The following B3GAT2 variants were observed in gnomAD, a reference collection of about 807,000 sequenced individuals.
The protein encoded by B3GAT2 is galactosylgalactosylxylosylprotein 3-beta-glucuronosyltransferase 2.
In B3GAT2, 26 loss-of-function variants were observed where a neutral mutation model predicts 27.8. The ratio of observed to expected loss-of-function variants is 0.93; its 90% CI spans 0.68 to 1.30. The LOEUF (loss-of-function observed/expected upper bound fraction) is 1.30. B3GAT2 is among the 50% of genes most tolerant of loss of function. The pLI is 0.00. For missense variants in B3GAT2, 458 were observed against 459.0 expected, an observed-to-expected ratio of 1.00 and a Z score of 0.02; for synonymous variants, 218 against 195.1, an observed-to-expected ratio of 1.12 and a Z score of -0.98.
Position 70,857,270 on chromosome 6 carries a change from G to C in B3GAT2, c.*4393C>G. ...AGCTGTTCATAGATCACTAAATGTTGTTTCACAAGCTTATAGAACATGGAT... is the reference window on the plus strand; with the variant it reads ...AGCTGTTCATAGATCACTAAATGTTCTTTCACAAGCTTATAGAACATGGAT... On this transcript the variant is annotated 3_prime_UTR_variant, in exon 4 of 4. Transcript: ENST00000230053. 1 of 327,262 alleles carries C rather than the reference G, an allele frequency of 3.1e-6. No individual in the cohort carries two copies. Among genetic ancestry groups the C allele is most frequent in the Non-Finnish European group, 5.5e-6 (1 of 180,806 alleles). 20.3% of individuals were successfully genotyped at this position (327,262 alleles called of 1,614,324 possible). A position where few individuals can be genotyped will look rare whatever the true frequency, so the allele number is the denominator to read the frequency against.
chr6:70,874,478 A>G (rs1771982393), intron 2 of B3GAT2, among the ~76,000 whole-genome samples: 3 of 152,226 alleles, frequency 2.0e-5, no homozygotes, highest in Non-Finnish European at 4.4e-5. Context: ...AGGGGCTCAC[A>G]GTACTAAGAG....
Position 70,857,976 on chromosome 6 carries a change from T to G in B3GAT2, c.*3687A>C, listed in dbSNP as rs1269698621. The G allele has an allele frequency of 1.2e-6, 2 of 1,614,154 alleles. No individual in the cohort carries two copies. The highest frequency in any genetic ancestry group is 1.7e-6 in the Non-Finnish European group (2 of 1,180,008). Reference sequence around the variant, plus strand: ...TTTACCTCACAAGCACCAGCTGCATTTCAGGGCTTTCCATCGATGGGCGTG... The same window carrying G: ...TTTACCTCACAAGCACCAGCTGCATGTCAGGGCTTTCCATCGATGGGCGTG... On this transcript the variant is annotated 3_prime_UTR_variant, in exon 4 of 4. Transcript: ENST00000230053.
intron 1 of B3GAT2, among the ~76,000 whole-genome samples, chr6:70,933,994 G>T (rs1193701300): frequency 6.6e-6 from 1 of 152,194 alleles, no homozygotes; most frequent in Admixed American, 6.5e-5. Context: ...AGCAGATGAT[G>T]AAAATTAAAC....
chr6:70,902,637 TACACACACACACACACACACACACACAC>T (rs1211771771), intron 1 of B3GAT2, among the ~76,000 whole-genome samples: 2 of 133,462 alleles, frequency 1.5e-5, no homozygotes, highest in East Asian at 2.4e-4. Flanking sequence ...TATATATATA[TACACACACACACACACACACACACACAC>T]ATATATATAT....
Position 70,955,906 on chromosome 6 carries a change from C to G in B3GAT2, c.524G>C (p.Arg175Pro). The G allele has an allele frequency of 6.2e-7, 1 of 1,602,828 alleles. No individual in the cohort carries two copies. Among genetic ancestry groups the G allele is most frequent in the South Asian group, 1.1e-5 (1 of 89,990 alleles). ...GAAGAAGAGCACGCCGGGCTGCGCG[C>G]GCTGGTGCTGGTGCCTCTGGCGCAG... ...AWLRQRHQHQ[R>P]AQPGVLFFAD... Residue 175 changes from arginine (R) to proline (P), a missense_variant, in exon 1 of 4, where the codon CGC (arginine) becomes CCC (proline). Coordinates refer to ENST00000230053, the MANE Select transcript of B3GAT2 (RefSeq NM_080742.3).
intron 1 of B3GAT2, among the ~76,000 whole-genome samples, chr6:70,925,432 G>A (rs1219652338): frequency 6.6e-6 from 1 of 152,156 alleles, no homozygotes; most frequent in Non-Finnish European, 1.5e-5. Context: ...CTGGAAACTC[G>A]GGACACTCCC....
At chr6:70,928,186 T>C (rs36200022) in intron 1 of B3GAT2, among the ~76,000 whole-genome samples, 2 of 150,720 alleles carry the variant, frequency 1.3e-5, no homozygotes, top group Non-Finnish European at 3.0e-5. Context: ...TTCAAAGCAG[T>C]GTGTAGAGGG....
intron 2 of B3GAT2, among the ~76,000 whole-genome samples, chr6:70,877,947 G>C (rs771152411): frequency 9.2e-5 from 14 of 152,178 alleles, no homozygotes; most frequent in African/African-American, 2.2e-4. Flanking sequence ...CAGCCCTGCT[G>C]TCAGTTTACC....
At position 70,956,308 on chromosome 6, in the gene B3GAT2, G is replaced by A. The variant is rs1369911793; in HGVS notation, c.122C>T (p.Ser41Phe). 10 of 1,596,190 alleles carry A rather than the reference G, an allele frequency of 6.3e-6. No homozygotes were observed. Among genetic ancestry groups the A allele is most frequent in the African/African-American group, 2.7e-5 (2 of 74,710 alleles). The change falls in exon 1 of 4, where the codon TCT becomes TTT. Residue 41 changes from serine (S) to phenylalanine (F), a missense_variant. Physicochemically the swap from Ser to Phe is radical, Grantham distance 155 (BLOSUM62 -2). Coordinates refer to ENST00000230053, the MANE Select transcript of B3GAT2 (RefSeq NM_080742.3). ...GCCCCCGCGGCCCACCGCGTAGGGA[G>A]AGAAGTAGGGGCGCGGGGTGAGCGG... ...VPPLTPRPYF[S>F]PYAVGRGGAR...
rs913779641 is a variant in B3GAT2 at position 70,871,208 on chromosome 6, GTTTTTTTTTTTTTGT to G, written c.737-9245_737-9231del. Among the ~76,000 whole-genome samples the G allele has an allele frequency of 7.3e-4, 59 of 81,156 alleles. 1 individual carries two copies. The highest frequency in any genetic ancestry group is 2.4e-3 in the African/African-American group (55 of 22,578). 53.2% of individuals were successfully genotyped at this position (81,156 alleles called of 152,430 possible). On this transcript the variant is annotated intron_variant, in intron 2 of 3. Coordinates refer to ENST00000230053, the MANE Select transcript of B3GAT2 (RefSeq NM_080742.3). Reference sequence around the variant, plus strand: ...ATTCAAAAGGGATATAGGTCTGTCTGTTTTTTTTTTTTTGTTTTTTTTTTTTCTTCGTGATGTCTT... The same window carrying G: ...ATTCAAAAGGGATATAGGTCTGTCTGTTTTTTTTTTTCTTCGTGATGTCTT...
At chr6:70,881,290 T>A (rs1193754978) in intron 2 of B3GAT2, among the ~76,000 whole-genome samples, 1 of 152,218 alleles carries the variant, frequency 6.6e-6, no homozygotes, top group Non-Finnish European at 1.5e-5. Context: ...GCTCTTGTTT[T>A]ATGATGCCAC....
chr6:70,923,303 T>G (rs1169590544), intron 1 of B3GAT2, among the ~76,000 whole-genome samples: 1 of 152,204 alleles, frequency 6.6e-6, no homozygotes, highest in African/African-American at 2.4e-5. Flanking sequence ...AGGGCTGCCC[T>G]TCTTTCTGTG....
intron 1 of B3GAT2, among the ~76,000 whole-genome samples, chr6:70,943,468 C>T (rs1014241866): frequency 6.6e-6 from 1 of 152,182 alleles, no homozygotes; most frequent in African/African-American, 2.4e-5. Flanking sequence ...AACCCCTGAG[C>T]CTGCTTCACA....
rs183115407 is a variant in B3GAT2 at position 70,860,621 on chromosome 6, A to G, written c.*1042T>C. The G allele has an allele frequency of 2.9e-3, 1,264 of 432,146 alleles. 3 individuals are homozygous for G. Among genetic ancestry groups the G allele is most frequent in the Non-Finnish European group, 4.4e-3 (1,083 of 246,596 alleles). The allele number at this position is 432,146 out of a possible 1,614,324, so 26.8% of individuals were successfully genotyped here. ...ACTTGCAAAATCAGTTTTCCTCTCA[A>G]TAAAATTATAGCTCTAATGTTTGCA... On this transcript the variant is annotated 3_prime_UTR_variant, in exon 4 of 4. Coordinates refer to ENST00000230053, the MANE Select transcript of B3GAT2 (RefSeq NM_080742.3).
At chr6:70,950,819 C>T (rs913567914) in intron 1 of B3GAT2, among the ~76,000 whole-genome samples, 2 of 152,174 alleles carry the variant, frequency 1.3e-5, no homozygotes, top group African/African-American at 4.8e-5. Context: ...ACACGTAAAA[C>T]CCTAAGGGTA....
intron 1 of B3GAT2, among the ~76,000 whole-genome samples, chr6:70,948,775 T>G (rs1403534718): frequency 1.3e-5 from 2 of 152,278 alleles, no homozygotes; most frequent in South Asian, 4.1e-4. Flanking sequence ...CATCGTCAAG[T>G]CAATCCTAAG....
chr6:70,893,208 A>C (rs929410890), intron 2 of B3GAT2, among the ~76,000 whole-genome samples: 1 of 152,150 alleles, frequency 6.6e-6, no homozygotes, highest in South Asian at 2.1e-4. Flanking sequence ...AAAAGTGATG[A>C]ATCCAGTTCA....
intron 1 of B3GAT2, among the ~76,000 whole-genome samples, chr6:70,928,374 C>A (rs1162850847): frequency 6.6e-6 from 1 of 150,482 alleles, no homozygotes; most frequent in Non-Finnish European, 1.5e-5. Context: ...AAAAAAAAAA[C>A]TTCAAAAAAT....
chr6:70,860,213 T>C lies in B3GAT2; in HGVS notation c.*1450A>G. ...TATGTTTCACAGATGAATCAGCAGATGGCTGGCATGAGTATCAGTAGTGCA... is the reference window on the plus strand; with the variant it reads ...TATGTTTCACAGATGAATCAGCAGACGGCTGGCATGAGTATCAGTAGTGCA... On this transcript the variant is annotated 3_prime_UTR_variant, in exon 4 of 4. Transcript: ENST00000230053. 2 of 1,609,970 alleles carry C rather than the reference T, an allele frequency of 1.2e-6. No individual in the cohort carries two copies. The highest frequency in any genetic ancestry group is 1.7e-6 in the Non-Finnish European group (2 of 1,178,692).
Sources: gnomAD v4.1 joint callset for allele counts (sites outside exome capture counted in the v4.1 genomes callset) on GRCh38, gnomAD v4.1.1 for gene constraint, MANE v1.5 for transcripts, NCBI Gene and HGNC (gene_info 2026-07-23, HGNC 2026-07-21) for gene names.